The following ZNF723 variants were observed in gnomAD, a reference collection of about 807,000 sequenced individuals.
ZNF723 encodes the protein zinc finger protein 723.
In ZNF723, 5 loss-of-function variants were observed where a neutral mutation model predicts 9.4. The observed-to-expected ratio is 0.53, with a 90% CI of 0.28 to 1.12. ZNF723 has a LOEUF of 1.12. Ranked by LOEUF, ZNF723 falls within the 50% of genes most tolerant of loss-of-function variation. ZNF723 has a pLI of 0.10. For missense variants in ZNF723, 450 were observed against 501.5 expected, an observed-to-expected ratio of 0.90 and a Z score of 0.98; for synonymous variants, 158 against 168.8, an observed-to-expected ratio of 0.94 and a Z score of 0.49.
intron 1 of ZNF723, among the ~76,000 whole-genome samples, chr19:22,837,306 A>C (rs2145208604): frequency 6.6e-6 from 1 of 151,252 alleles, no homozygotes; most frequent in Admixed American, 6.6e-5. Flanking sequence ...GAAAGAAAAA[A>C]GAAAAGAAAG....
the ZNF723 span, among the ~76,000 whole-genome samples, chr19:22,817,788 G>T: frequency 6.6e-6 from 1 of 152,070 alleles, no homozygotes; most frequent in Non-Finnish European, 1.5e-5. Flanking sequence ...AAATCCTTAG[G>T]TCTCTTCTTT....
intron 1 of ZNF723, chr19:22,840,615 A>T (rs961315391): frequency 2.0e-5 from 3 of 152,132 alleles, no homozygotes; most frequent in Admixed American, 6.6e-5. Flanking sequence ...GTTTTTAAAG[A>T]TGCTTTTAAC....
At chr19:22,848,974 C>T (rs1354860053) in intron 2 of ZNF723, among the ~76,000 whole-genome samples, 1 of 151,952 alleles carries the variant, frequency 6.6e-6, no homozygotes, top group Non-Finnish European at 1.5e-5. Context: ...AGGCTGGTCT[C>T]GAACTTCTGA....
At chr19:22,844,792 G>T (rs938400434) in intron 1 of ZNF723, among the ~76,000 whole-genome samples, 11 of 152,154 alleles carry the variant, frequency 7.2e-5, no homozygotes, top group African/African-American at 2.7e-4. Context: ...TGAGCCCAGG[G>T]GGAGCATCAT....
chr19:22,816,303 A>G, the ZNF723 span, among the ~76,000 whole-genome samples: 2 of 152,180 alleles, frequency 1.3e-5, no homozygotes, highest in African/African-American at 4.8e-5. Context: ...TCTCACACCC[A>G]AAGTAAGTTG....
At chr19:22,843,783 T>C (rs148961430) in intron 1 of ZNF723, among the ~76,000 whole-genome samples, 1 of 152,328 alleles carries the variant, frequency 6.6e-6, no homozygotes, top group East Asian at 1.9e-4. Context: ...GAATACATAT[T>C]TATCTTCTAA....
chr19:22,848,178 A>G (rs1371810031), intron 1 of ZNF723, 83 bp from the exon 2 acceptor site: 1 of 550,300 alleles, frequency 1.8e-6, no homozygotes, highest in African/African-American at 2.0e-5. Flanking sequence ...TTACTCTCTC[A>G]TTTCACCTTC....
rs59309724 is a variant in ZNF723 at position 22,842,002 on chromosome 19, TTTG to T, written c.4-6241_4-6239del. ...TCTTTCTCCCACCTTTGAACTATGTTTTGTTGTTGTTGTTGTTGTTTTGAGACA... is the reference window on the plus strand; with the variant it reads ...TCTTTCTCCCACCTTTGAACTATGTTTTGTTGTTGTTGTTGTTTTGAGACA... On this transcript the variant is annotated intron_variant, in intron 1 of 3. Coordinates refer to ENST00000600766, the MANE Select transcript of ZNF723 (RefSeq NM_001349726.2). 4.6e-4 allele frequency among the ~76,000 whole-genome samples: 70 copies of T among 151,932 alleles called. 1 individual carries two copies. The highest frequency in any genetic ancestry group is 3.4e-3 in the Middle Eastern group (1 of 292).
the ZNF723 span, among the ~76,000 whole-genome samples, chr19:22,813,758 C>CA: frequency 6.6e-6 from 1 of 151,080 alleles, no homozygotes; most frequent in Admixed American, 6.6e-5. Context: ...AACAAACAAA[C>CA]AAAAAAACTG....
At chr19:22,841,445 T>C (rs1278019743) in intron 1 of ZNF723, among the ~76,000 whole-genome samples, 1 of 152,226 alleles carries the variant, frequency 6.6e-6, no homozygotes, top group East Asian at 1.9e-4. Flanking sequence ...TTAAATTGTG[T>C]AATAAAACAG....
intron 3 of ZNF723, among the ~76,000 whole-genome samples, chr19:22,852,284 AG>A (rs1967408769): frequency 2.0e-5 from 3 of 152,292 alleles, no homozygotes; most frequent in Admixed American, 6.5e-5. Context: ...TATATATTTT[AG>A]AATATGCCAC....
chr19:22,816,988 C>G, the ZNF723 span, among the ~76,000 whole-genome samples: 1 of 152,212 alleles, frequency 6.6e-6, no homozygotes, highest in Non-Finnish European at 1.5e-5. Context: ...CGGCTATTTT[C>G]CACTGCTTGG....
chr19:22,812,581 T>C, the ZNF723 span, among the ~76,000 whole-genome samples: 1 of 152,072 alleles, frequency 6.6e-6, no homozygotes, highest in African/African-American at 2.4e-5. Flanking sequence ...TTTGTAACTC[T>C]CACTAATACT....
At chr19:22,824,630 A>T in the ZNF723 span, among the ~76,000 whole-genome samples, 1 of 152,204 alleles carries the variant, frequency 6.6e-6, no homozygotes, top group Non-Finnish European at 1.5e-5. Flanking sequence ...TGGTGCAGAG[A>T]GTGTCATAAC....
the ZNF723 span, among the ~76,000 whole-genome samples, chr19:22,824,397 G>T: frequency 1.3e-5 from 2 of 152,024 alleles, no homozygotes; most frequent in African/African-American, 4.8e-5. Context: ...TCCAAGTGAT[G>T]TGACTCTTCT....
chr19:22,824,333 C>G, the ZNF723 span, among the ~76,000 whole-genome samples: 1 of 152,006 alleles, frequency 6.6e-6, no homozygotes, highest in East Asian at 2.0e-4. Context: ...TGGTGTGACT[C>G]TCTTCTTTCT....
Position 22,838,343 on chromosome 19 carries a change from GGAGTTTGA to G in ZNF723, c.3+5964_3+5971del, listed in dbSNP as rs527531607. On this transcript the variant is annotated intron_variant, in intron 1 of 3. Transcript: ENST00000600766. ...CTGAGGCGAGTGGATCACGAGGTCA[GGAGTTTGA>G]GACCAGCCTGACCAACATGGTGAAA... is the stretch of plus-strand genomic sequence containing the variant. 1.5e-4 allele frequency among the ~76,000 whole-genome samples: 23 copies of G among 152,190 alleles called. 2 individuals are homozygous for G. In the South Asian group the frequency reaches 4.6e-3, roughly 30 times the overall value.
chr19:22,824,384 G>T, the ZNF723 span, among the ~76,000 whole-genome samples: 1 of 152,016 alleles, frequency 6.6e-6, no homozygotes, highest in Non-Finnish European at 1.5e-5. Flanking sequence ...TCCTGTCCTA[G>T]CATCCAAGTG....
intron 1 of ZNF723, among the ~76,000 whole-genome samples, chr19:22,839,327 G>A (rs1967209017): frequency 1.3e-5 from 2 of 152,054 alleles, no homozygotes; most frequent in South Asian, 4.1e-4. Context: ...GAGGGTGCTG[G>A]GTCAAATGCT....
Sources: allele counts gnomAD v4.1 joint callset (sites outside exome capture counted in the v4.1 genomes callset), GRCh38; gene constraint gnomAD v4.1.1; transcripts MANE v1.5; gene names NCBI Gene and HGNC (gene_info 2026-07-23, HGNC 2026-07-21).